PTPRM: variants seen among roughly 807,000 people sequenced by gnomAD.
The protein encoded by PTPRM is protein tyrosine phosphatase receptor type M, also known as receptor-type tyrosine-protein phosphatase mu.
Under a neutral mutation model 186.7 loss-of-function variants are expected in PTPRM, and 47 were observed. The observed-to-expected ratio is 0.25, with a 90% CI of 0.20 to 0.32. The LOEUF is 0.32. PTPRM is among the 10% of genes least tolerant of loss of function. The pLI is 1.00. For missense variants in PTPRM, 1,494 were observed against 1,865.0 expected, an observed-to-expected ratio of 0.80 and a Z score of 3.66; for synonymous variants, 668 against 674.9, an observed-to-expected ratio of 0.99 and a Z score of 0.16.
intron 7 of PTPRM, among the ~76,000 whole-genome samples, chr18:7,978,525 C>A (rs954354219): frequency 6.6e-6 from 1 of 152,150 alleles, no homozygotes; most frequent in Admixed American, 6.5e-5. Flanking sequence ...GTGAAGTGGT[C>A]ACGTTAATTA....
intron 14 of PTPRM, among the ~76,000 whole-genome samples, chr18:8,231,813 A>C (rs915140693): frequency 6.6e-6 from 1 of 152,162 alleles, no homozygotes; most frequent in African/African-American, 2.4e-5. Flanking sequence ...GTTTCACCAC[A>C]TAAGTGAGCA....
intron 24 of PTPRM, 99 bp from the exon 25 acceptor site, chr18:8,375,947 G>A: frequency 7.6e-7 from 1 of 1,322,570 alleles, no homozygotes; most frequent in East Asian, 2.3e-5. Context: ...CCCTAGACTT[G>A]CTACCTGGGG....
chr18:7,812,175 A>G lies in PTPRM; in HGVS notation c.196+37904A>G, dbSNP rs370210427. ...AAGTAGGCATTACTGAGTGACTGACACTTCTCAAATTCCCAGTTTTTCTCT... is the reference window on the plus strand; with the variant it reads ...AAGTAGGCATTACTGAGTGACTGACGCTTCTCAAATTCCCAGTTTTTCTCT... On this transcript the variant is annotated intron_variant, in intron 2 of 32. Transcript: ENST00000580170. Among the ~76,000 whole-genome samples the G allele has an allele frequency of 2.9e-4, 44 of 152,318 alleles. 1 individual carries two copies. The East Asian group carries it at 6.4e-3, about 22-fold the overall frequency.
chr18:8,099,442 TTTA>T (rs933642793), intron 11 of PTPRM, among the ~76,000 whole-genome samples: 2 of 152,190 alleles, frequency 1.3e-5, no homozygotes, highest in African/African-American at 4.8e-5. Context: ...TTGTTTTGTT[TTTA>T]TTATTTGTTT....
At chr18:7,689,234 T>G (rs1438439151) in intron 1 of PTPRM, among the ~76,000 whole-genome samples, 1 of 152,176 alleles carries the variant, frequency 6.6e-6, no homozygotes, top group Non-Finnish European at 1.5e-5. Flanking sequence ...ATCAAAAACT[T>G]TGTGTCAATG....
chr18:8,201,750 A>C (rs2093860793), intron 14 of PTPRM, among the ~76,000 whole-genome samples: 1 of 152,138 alleles, frequency 6.6e-6, no homozygotes, highest in Non-Finnish European at 1.5e-5. Flanking sequence ...ACCCACCCTA[A>C]AGACCTCATT....
At chr18:7,680,933 G>T (rs1568025502) in intron 1 of PTPRM, among the ~76,000 whole-genome samples, 1 of 152,076 alleles carries the variant, frequency 6.6e-6, no homozygotes, top group Non-Finnish European at 1.5e-5. Context: ...ATGCTTCAAG[G>T]TCACCATTTC....
rs145272559 is a variant in PTPRM, at chr18:8,106,018, G to A, written c.1857-7468G>A. Among the ~76,000 whole-genome samples, 623 of 152,200 alleles carry A rather than the reference G, an allele frequency of 4.1e-3. 1 individual carries two copies. Among genetic ancestry groups the A allele is most frequent in the African/African-American group, 0.014 (576 of 41,524 alleles). Reference sequence around the variant, plus strand: ...ATGCATGCCTTCAAGCTTCTTTCCCGGCCCACCCTCAGGTACCTCCTTCTT... The same window carrying A: ...ATGCATGCCTTCAAGCTTCTTTCCCAGCCCACCCTCAGGTACCTCCTTCTT... On this transcript the variant is annotated intron_variant, in intron 11 of 32. Transcript: ENST00000580170.
At chr18:7,755,878 A>C (rs1346771281) in intron 1 of PTPRM, among the ~76,000 whole-genome samples, 2 of 152,206 alleles carry the variant, frequency 1.3e-5, no homozygotes, top group East Asian at 3.9e-4. Flanking sequence ...TACAGTTTTC[A>C]ACACAAAACT....
At chr18:8,134,319 A>C (rs1339145976) in intron 13 of PTPRM, among the ~76,000 whole-genome samples, 1 of 152,130 alleles carries the variant, frequency 6.6e-6, no homozygotes, top group Admixed American at 6.6e-5. Context: ...CGTTCAGTAA[A>C]GGCTTGTCAA....
chr18:8,297,120 G>A (rs771842345), intron 20 of PTPRM, among the ~76,000 whole-genome samples: 1 of 152,088 alleles, frequency 6.6e-6, no homozygotes, highest in Non-Finnish European at 1.5e-5. Flanking sequence ...CCCAGGGCCC[G>A]CACTATCCAT....
intron 7 of PTPRM, among the ~76,000 whole-genome samples, chr18:8,063,083 C>T (rs1162678268): frequency 5.3e-5 from 8 of 151,610 alleles, no homozygotes; most frequent in Non-Finnish European, 8.8e-5. Flanking sequence ...AGTTTGATCT[C>T]AGACTGCTGT....
At chr18:7,650,737 C>A (rs894089696) in intron 1 of PTPRM, among the ~76,000 whole-genome samples, 3 of 151,596 alleles carry the variant, frequency 2.0e-5, no homozygotes, top group African/African-American at 7.3e-5. Context: ...CACTTGTCAG[C>A]AGAAATGGTT....
At chr18:8,037,599 T>C (rs1194903348) in intron 7 of PTPRM, among the ~76,000 whole-genome samples, 4 of 152,206 alleles carry the variant, frequency 2.6e-5, no homozygotes, top group African/African-American at 9.6e-5. Context: ...TCTGAATTCC[T>C]GTAAATATAC....
intron 1 of PTPRM, among the ~76,000 whole-genome samples, chr18:7,703,715 T>C (rs185262211): frequency 1.2e-3 from 187 of 152,310 alleles, no homozygotes; most frequent in Middle Eastern, 3.4e-3. Flanking sequence ...ATGTGTTGAA[T>C]AGGAGTGGTG....
chr18:8,028,072 G>T (rs1398131076), intron 7 of PTPRM, among the ~76,000 whole-genome samples: 1 of 152,078 alleles, frequency 6.6e-6, no homozygotes, highest in African/African-American at 2.4e-5. Context: ...TAACAATCTG[G>T]GTTCACAACA....
At chr18:8,192,347 C>G (rs1255832049) in intron 14 of PTPRM, among the ~76,000 whole-genome samples, 4 of 152,064 alleles carry the variant, frequency 2.6e-5, no homozygotes, top group Admixed American at 2.6e-4. Context: ...TAAAAGAAAC[C>G]AGGACTTCCT....
At chr18:7,784,962 C>T (rs1261409090) in intron 2 of PTPRM, among the ~76,000 whole-genome samples, 2 of 152,074 alleles carry the variant, frequency 1.3e-5, no homozygotes, top group Admixed American at 6.6e-5. Flanking sequence ...GGTGGGAGCA[C>T]CCAAGAGGGG....
chr18:7,922,134 T>C (rs768997418), intron 4 of PTPRM, among the ~76,000 whole-genome samples: 1 of 152,214 alleles, frequency 6.6e-6, no homozygotes. Flanking sequence ...TTTGCCTCAG[T>C]TATGGTAAAC....
Sources: gnomAD v4.1 joint callset for allele counts (sites outside exome capture counted in the v4.1 genomes callset) on GRCh38, gnomAD v4.1.1 for gene constraint, MANE v1.5 for transcripts, NCBI Gene and HGNC (gene_info 2026-07-23, HGNC 2026-07-21) for gene names.